Variants in PACS1 observed in about 807,000 individuals in gnomAD.
PACS1 encodes the protein phosphofurin acidic cluster sorting protein 1, also known as PACS-1.
In PACS1, 24 loss-of-function variants were observed where a neutral mutation model predicts 115.0. The ratio of observed to expected loss-of-function variants is 0.21; its 90% CI spans 0.15 to 0.29. The LOEUF is 0.29. Among genes scored for constraint, PACS1 ranks in the 10% least tolerant of loss-of-function variants. The pLI, the probability that PACS1 is intolerant of heterozygous loss-of-function variation, is 1.00. For synonymous variants in PACS1, 453 were observed against 504.5 expected, an observed-to-expected ratio of 0.90 and a Z score of 1.37; for missense variants, 838 against 1,251.2, an observed-to-expected ratio of 0.67 and a Z score of 4.98.
chr11:66,177,582 A>G (rs983390457), intron 1 of PACS1, among the ~76,000 whole-genome samples: 64 of 152,208 alleles, frequency 4.2e-4, no homozygotes, highest in African/African-American at 1.3e-3. Flanking sequence ...TTCTATTAAA[A>G]GTCCACCTTC....
chr11:66,238,946 G>T, intron 20 of PACS1, 100 bp downstream of exon 20: 1 of 1,388,552 alleles, frequency 7.2e-7, no homozygotes, highest in South Asian at 1.2e-5. Context: ...ATGCCCTGAG[G>T]GAAGTCAGAG....
intron 1 of PACS1, among the ~76,000 whole-genome samples, chr11:66,170,565 C>G (rs941363305): frequency 2.7e-5 from 4 of 149,740 alleles, no homozygotes; most frequent in Admixed American, 6.6e-5. Context: ...TTAAAGTTAT[C>G]TTCTTATTAC....
At chr11:66,221,001 G>T (rs940729118) in intron 9 of PACS1, among the ~76,000 whole-genome samples, 153 bp from the exon 10 acceptor site, 1 of 152,016 alleles carries the variant, frequency 6.6e-6, no homozygotes, top group South Asian at 2.1e-4. Flanking sequence ...CTCCTGACCC[G>T]CCCCTCCTCT....
chr11:66,149,088 C>T (rs1859182611), intron 1 of PACS1, among the ~76,000 whole-genome samples: 1 of 122,224 alleles, frequency 8.2e-6, no homozygotes, highest in South Asian at 2.8e-4. Flanking sequence ...CATGCACACG[C>T]ACTTTTTTTT....
chr11:66,100,347 T>C (rs949623304), intron 1 of PACS1, among the ~76,000 whole-genome samples: 2 of 152,210 alleles, frequency 1.3e-5, no homozygotes, highest in Admixed American at 1.3e-4. Flanking sequence ...ATTTACTTAT[T>C]TGCTCCTTGT....
chr11:66,191,461 G>T (rs1343065959), intron 1 of PACS1, among the ~76,000 whole-genome samples: 1 of 152,202 alleles, frequency 6.6e-6, no homozygotes. Context: ...CCACCACAAA[G>T]AGATTAGTTA....
chr11:66,230,051 A>T (rs1176631571), intron 11 of PACS1, among the ~76,000 whole-genome samples: 1 of 151,562 alleles, frequency 6.6e-6, no homozygotes, highest in East Asian at 1.9e-4. Flanking sequence ...AGAGCGGGAC[A>T]CACAGCAGTG....
At chr11:66,142,641 AGAG>A (rs1425597843) in intron 1 of PACS1, among the ~76,000 whole-genome samples, 4 of 150,490 alleles carry the variant, frequency 2.7e-5, no homozygotes, top group Non-Finnish European at 5.9e-5. Context: ...AAAAAAAAAA[AGAG>A]GAAGGAGATA....
chr11:66,164,842 C>A (rs1859568142), intron 1 of PACS1, among the ~76,000 whole-genome samples: 1 of 151,818 alleles, frequency 6.6e-6, no homozygotes, highest in Non-Finnish European at 1.5e-5. Flanking sequence ...TCCCTATATT[C>A]TCAGGTGAAA....
chr11:66,163,663 G>A (rs569794927), intron 1 of PACS1, among the ~76,000 whole-genome samples: 1 of 152,238 alleles, frequency 6.6e-6, no homozygotes, highest in East Asian at 1.9e-4. Flanking sequence ...AAAGTCTTCT[G>A]GTTTCAAACA....
chr11:66,155,358 T>C (rs1210375338), intron 1 of PACS1, among the ~76,000 whole-genome samples: 1 of 152,198 alleles, frequency 6.6e-6, no homozygotes, highest in Non-Finnish European at 1.5e-5. Flanking sequence ...ATGTTTACAA[T>C]AGATAAATCT....
intron 1 of PACS1, among the ~76,000 whole-genome samples, chr11:66,116,518 A>C (rs114970238): frequency 5.7e-4 from 87 of 152,380 alleles, no homozygotes; most frequent in African/African-American, 2.0e-3. Flanking sequence ...GCTTACGAGC[A>C]ACTATTCTAT....
chr11:66,191,749 C>T (rs1247363095), intron 1 of PACS1, among the ~76,000 whole-genome samples: 1 of 152,188 alleles, frequency 6.6e-6, no homozygotes, highest in East Asian at 1.9e-4. Context: ...GGTGACTGGG[C>T]GTGGTGGCTC....
intron 2 of PACS1, among the ~76,000 whole-genome samples, chr11:66,195,739 T>C (rs1050454534): frequency 1.4e-4 from 22 of 152,206 alleles, no homozygotes; most frequent in Admixed American, 1.0e-3. Flanking sequence ...TAAATACTTA[T>C]TGAGCATCTA....
chr11:66,115,208 C>CAAAA (rs71455703), intron 1 of PACS1, among the ~76,000 whole-genome samples: 3 of 80,352 alleles, frequency 3.7e-5, no homozygotes, highest in East Asian at 3.0e-4. Flanking sequence ...GACCCTATCT[C>CAAAA]AAAAAAAAAA....
In PACS1 at chr11:66,241,671, C is replaced by T. The variant is rs370579334; in HGVS notation, c.2656+18C>T. 27 of 1,592,198 alleles carry T rather than the reference C, an allele frequency of 1.7e-5. No homozygotes were observed. The highest frequency in any genetic ancestry group is 3.4e-5 in the Admixed American group (2 of 59,634). On this transcript the variant is annotated intron_variant, in intron 22 of 23. Transcript: ENST00000320580. ...CAAGAAAGGTAAGTACCCCCAAGGC[C>T]GGGGAAGACCATGGGCCACCAGGCC...
chr11:66,124,108 C>T (rs1011072713), intron 1 of PACS1, among the ~76,000 whole-genome samples: 2 of 152,198 alleles, frequency 1.3e-5, no homozygotes, highest in Non-Finnish European at 2.9e-5. Flanking sequence ...AGGCCATGGG[C>T]ATTCTAGTGG....
chr11:66,092,372 G>C (rs867165498), intron 1 of PACS1, among the ~76,000 whole-genome samples: 1 of 151,516 alleles, frequency 6.6e-6, no homozygotes, highest in Non-Finnish European at 1.5e-5. Flanking sequence ...TGGGGTTGTT[G>C]GTTTTTTTCT....
At chr11:66,178,832 A>G (rs1859937496) in intron 1 of PACS1, among the ~76,000 whole-genome samples, 1 of 152,148 alleles carries the variant, frequency 6.6e-6, no homozygotes, top group African/African-American at 2.4e-5. Flanking sequence ...CTTGAGAGAG[A>G]ATGAGGTTGA....
Sources: gnomAD v4.1 joint callset for allele counts (sites outside exome capture counted in the v4.1 genomes callset) on GRCh38, gnomAD v4.1.1 for gene constraint, MANE v1.5 for transcripts, NCBI Gene and HGNC (gene_info 2026-07-23, HGNC 2026-07-21) for gene names.